RPL8: variants seen among roughly 807,000 people sequenced by gnomAD.
The protein encoded by RPL8 is ribosomal protein L8.
For missense variants in RPL8, 248 were observed against 365.9 expected (o/e 0.68, Z 2.63); for synonymous variants, 182 against 143.2 (o/e 1.27, Z -1.94).
Position 144,789,973 on chromosome 8 carries a change from A to G in RPL8, c.616-11T>C. 8.7e-6 allele frequency: 14 copies of G among 1,601,372 alleles called. No homozygotes were observed. Among genetic ancestry groups the G allele is most frequent in the Non-Finnish European group, 1.2e-5 (14 of 1,173,770 alleles). Reference sequence around the variant, plus strand: ...AGGATGCTCCACAGGCTGCAGGCAGAGAAAGATGGCTTTAGAAACCTCTTC... The same window carrying G: ...AGGATGCTCCACAGGCTGCAGGCAGGGAAAGATGGCTTTAGAAACCTCTTC... On this transcript the variant is annotated splice_polypyrimidine_tract_variant and intron_variant, in intron 4 of 4. Transcript: ENST00000528957.
At chr8:144,791,642 T>C in intron 2 of RPL8, 131 bp downstream of exon 2, 1 of 1,509,346 alleles carries the variant, frequency 6.6e-7, no homozygotes, top group Non-Finnish European at 9.0e-7. Flanking sequence ...TGGCCACTGG[T>C]CTGGCCACGC....
chr8:144,790,599 C>A (rs1197204919), intron 3 of RPL8, 129 bp from the exon 4 acceptor site: 1 of 733,602 alleles, frequency 1.4e-6, no homozygotes, highest in African/African-American at 1.7e-5. Context: ...TCGCCTCCAC[C>A]CTAGGGAGCC....
At position 144,792,227 on chromosome 8, in the gene RPL8, G is replaced by A; in HGVS notation, c.-98C>T. On this transcript the variant is annotated 5_prime_UTR_variant, in exon 1 of 5. Transcript: ENST00000528957. ...CCGGGACCCCGCCCCCGAGGCCGCC[G>A]CGCCCACCACTCCCTACCCTCTCCG... The A allele has an allele frequency of 7.2e-7, 1 of 1,386,918 alleles. No homozygotes were observed. The highest frequency in any genetic ancestry group is 9.3e-7 in the Non-Finnish European group (1 of 1,075,968). The allele number at this position is 1,386,918 out of a possible 1,614,324, so 85.9% of individuals were successfully genotyped here.
chr8:144,790,810 A>C, intron 3 of RPL8: 1 of 565,096 alleles, frequency 1.8e-6, no homozygotes, highest in Non-Finnish European at 3.4e-6. Flanking sequence ...AGCTTTACTT[A>C]TTCCAGGAAC....
At chr8:144,791,042 G>A (rs1057155546) in intron 3 of RPL8, 2 of 566,894 alleles carry the variant, frequency 3.5e-6, no homozygotes, top group Non-Finnish European at 6.3e-6. Flanking sequence ...CCAAGACCCT[G>A]GTGACTTCGT....
intron 4 of RPL8, 152 bp downstream of exon 4, chr8:144,790,203 G>C (rs1826451964): frequency 5.3e-6 from 4 of 753,656 alleles, no homozygotes; most frequent in Non-Finnish European, 8.8e-6. Flanking sequence ...TGCTGGAGCA[G>C]GATCAACAGT....
intron 3 of RPL8, chr8:144,791,069 G>A (rs1031808010): frequency 2.0e-5 from 12 of 591,852 alleles, no homozygotes; most frequent in African/African-American, 1.5e-4. Flanking sequence ...CTCATTTAAC[G>A]CCTCAACAGC....
chr8:144,790,206 T>C, intron 4 of RPL8, 149 bp downstream of exon 4: 1 of 756,240 alleles, frequency 1.3e-6, no homozygotes, highest in Non-Finnish European at 2.2e-6. Flanking sequence ...TGGAGCAGGA[T>C]CAACAGTCCC....
Position 144,792,152 on chromosome 8 carries a change from TCA to T in RPL8, c.-25_-24del. ...CATGGCGACGGGTCCTGGGGGCGAC[TCA>T]CGATTAGCGCGGCCGGGCGGCCCGG... On this transcript the variant is annotated 5_prime_UTR_variant, in exon 1 of 5. Coordinates refer to ENST00000528957, the MANE Select transcript of RPL8 (RefSeq NM_001317782.2). The T allele has an allele frequency of 6.8e-7, 1 of 1,479,486 alleles. No homozygotes were observed. The highest frequency in any genetic ancestry group is 2.5e-5 in the East Asian group (1 of 39,904). The allele number at this position is 1,479,486 out of a possible 1,614,324, so 91.6% of individuals were successfully genotyped here.
In RPL8 at chr8:144,791,261, G is replaced by A. The variant is rs1161207432; in HGVS notation, c.499+16C>T. On this transcript the variant is annotated intron_variant, in intron 3 of 4. Coordinates refer to ENST00000528957, the MANE Select transcript of RPL8 (RefSeq NM_001317782.2). ...CACCCACAGCCCTCAGCATTCAACT[G>A]CTGCCTGATACTCACCAACCACAGC... The A allele has an allele frequency of 5.0e-6, 8 of 1,610,116 alleles. No individual in the cohort carries two copies. The highest frequency in any genetic ancestry group is 2.2e-5 in the South Asian group (2 of 90,948).
At position 144,792,027 on chromosome 8, in the gene RPL8, C is replaced by A; in HGVS notation, c.103G>T (p.Ala35Ser). The A allele has an allele frequency of 6.2e-7, 1 of 1,609,266 alleles. No homozygotes were observed. Among genetic ancestry groups the A allele is most frequent in the Non-Finnish European group, 8.5e-7 (1 of 1,178,328 alleles). ...GAARLRAVDFAERHGYIKGIV... is the reference protein window; with the variant it reads ...GAARLRAVDFSERHGYIKGIV... ...CCCTTGATGTAGCCGTGCCGCTCAG[C>A]GAAATCCACGGCGCGCAGGCGCGCA... is the stretch of plus-strand genomic sequence containing the variant. Residue 35 changes from alanine to serine, a missense_variant, in exon 1 of 5, where the codon GCT becomes TCT. Transcript: ENST00000528957.
At position 144,790,266 on chromosome 8, in the gene RPL8, T is replaced by C. The variant is rs569811583; in HGVS notation, c.615+89A>G. 1.8e-4 allele frequency: 194 copies of C among 1,104,680 alleles called. No homozygotes were observed. In the South Asian group the frequency reaches 2.6e-3, roughly 15 times the overall value. The allele number at this position is 1,104,680 out of a possible 1,614,324, so 68.4% of individuals were successfully genotyped here. On this transcript the variant is annotated intron_variant, in intron 4 of 4. Coordinates refer to ENST00000528957, the MANE Select transcript of RPL8 (RefSeq NM_001317782.2). ...CTCCTCCCACCGTAGATCCCCCTCC[T>C]GCAGGGACACCTGTGGATGGGACTT...
intron 3 of RPL8, 187 bp downstream of exon 3, chr8:144,791,090 G>C (rs571112903): frequency 9.7e-6 from 6 of 616,514 alleles, no homozygotes; most frequent in African/African-American, 7.3e-5. Context: ...AGTAAAGCAG[G>C]TACTGTTGTG....
Position 144,791,976 on chromosome 8 carries a change from G to C in RPL8, c.138+16C>G, listed in dbSNP as rs772288137. ...CGGGCGTCCCTTCCCCTCCCGCCCCGGCCAGCGTTCCGCACCTTGACGATG... is the reference window on the plus strand; with the variant it reads ...CGGGCGTCCCTTCCCCTCCCGCCCCCGCCAGCGTTCCGCACCTTGACGATG... On this transcript the variant is annotated intron_variant, in intron 1 of 4. Coordinates refer to ENST00000528957, the MANE Select transcript of RPL8 (RefSeq NM_001317782.2). 6.2e-7 allele frequency: 1 copy of C among 1,602,580 alleles called. No individual in the cohort carries two copies. Among genetic ancestry groups the C allele is most frequent in the Non-Finnish European group, 8.5e-7 (1 of 1,174,296 alleles).
chr8:144,791,997 C>T lies in RPL8; in HGVS notation c.133G>A (p.Val45Ile). 5 of 1,608,624 alleles carry T rather than the reference C, an allele frequency of 3.1e-6. No homozygotes were observed. Among genetic ancestry groups the T allele is most frequent in the Non-Finnish European group, 4.2e-6 (5 of 1,177,488 alleles). The change falls in exon 1 of 5, where the codon GTC becomes ATC. Residue 45 changes from valine (V) to isoleucine (I), a missense_variant. Coordinates refer to ENST00000528957, the MANE Select transcript of RPL8 (RefSeq NM_001317782.2). ...CCCCGGCCAGCGTTCCGCACCTTGA[C>T]GATGCCCTTGATGTAGCCGTGCCGC... ...AERHGYIKGIVKDIIHDPGRG... is the reference protein window; with the variant it reads ...AERHGYIKGIIKDIIHDPGRG...
At chr8:144,791,719 G>T (rs776779013) in intron 2 of RPL8, 54 bp downstream of exon 2, 11 of 1,609,596 alleles carry the variant, frequency 6.8e-6, no homozygotes, top group Non-Finnish European at 9.3e-6. Flanking sequence ...AACTCCTCAG[G>T]CAACACCCAG....
Position 144,789,901 on chromosome 8 carries a change from C to T in RPL8, c.677G>A (p.Arg226His), listed in dbSNP as rs752208976. The change falls in exon 5 of 5, where the codon CGC becomes CAC. Residue 226 changes from arginine (R) to histidine (H), a missense_variant. Transcript: ENST00000528957. ...TTTGCGGCCAGCAGGGGCATCTCTG[C>T]GGATGGTGGAGGGCTTGCCGATGTG... Reference protein sequence around the residue: ...HQHIGKPSTIRRDAPAGRKVG... With the variant: ...HQHIGKPSTIHRDAPAGRKVG... The T allele has an allele frequency of 1.2e-6, 2 of 1,613,414 alleles. No homozygotes were observed. The highest frequency in any genetic ancestry group is 2.2e-5 in the East Asian group (1 of 44,886).
intron 2 of RPL8, 88 bp from the exon 3 acceptor site, chr8:144,791,583 C>G: frequency 6.7e-7 from 1 of 1,492,436 alleles, no homozygotes; most frequent in Non-Finnish European, 9.1e-7. Flanking sequence ...GTTGCGAGCA[C>G]AGCATTCAAC....
chr8:144,790,904 A>T, intron 3 of RPL8: 1 of 477,196 alleles, frequency 2.1e-6, no homozygotes, highest in Non-Finnish European at 4.0e-6. Context: ...GAGTTAACCT[A>T]GACTCAAATC....
Sources: gnomAD v4.1 joint callset for allele counts on GRCh38, gnomAD v4.1.1 for gene constraint, MANE v1.5 for transcripts, NCBI Gene and HGNC (gene_info 2026-07-23, HGNC 2026-07-21) for gene names.